DEPTOR: variants seen among roughly 807,000 people sequenced by gnomAD.
The protein encoded by DEPTOR is DEP domain-containing mTOR-interacting protein.
A neutral mutation model predicts 41.6 loss-of-function variants in DEPTOR; 41 were observed. That is an observed-to-expected ratio of 0.98 (90% confidence interval 0.77 to 1.28). The LOEUF (loss-of-function observed/expected upper bound fraction) is 1.28, where lower values mean the gene tolerates loss of function less well. Ranked by LOEUF, DEPTOR falls within the 50% of genes most tolerant of loss-of-function variation. DEPTOR has a pLI of 0.00. For missense variants in DEPTOR, 514 were observed against 527.9 expected, an observed-to-expected ratio of 0.97 and a Z score of 0.26; for synonymous variants, 195 against 192.3, an observed-to-expected ratio of 1.01 and a Z score of -0.12.
At position 119,928,693 on chromosome 8, in the gene DEPTOR, T is replaced by G; in HGVS notation, c.301+115T>G. 3 of 1,057,428 alleles carry G rather than the reference T, an allele frequency of 2.8e-6. No homozygotes were observed. The South Asian group carries it at 7.1e-5, about 25-fold the overall frequency. 65.5% of individuals were successfully genotyped at this position (1,057,428 alleles called of 1,614,324 possible). The stretch of plus-strand genomic sequence containing the variant: ...TGCTTTATTTTATCTCCAGTGTACC[T>G]CTCCCTGATTGCATTTTCTTCCTGC... On this transcript the variant is annotated intron_variant, in intron 2 of 8. Transcript: ENST00000286234.
Position 119,928,411 on chromosome 8 carries a change from A to C in DEPTOR, c.134A>C (p.His45Pro). The change falls in exon 2 of 9, where the codon CAC becomes CCC. Residue 45 changes from histidine (H) to proline (P), a missense_variant. Physicochemically the swap from His to Pro is moderately conservative, Grantham distance 77. Transcript: ENST00000286234. ...VTGEQLRLRL[H>P]EEKVIKDRRH... ...AATTTTTCTTTCAGGCTCAGGCTGCACGAAGAAAAGGTTATTAAAGATAGA... is the reference window on the plus strand; with the variant it reads ...AATTTTTCTTTCAGGCTCAGGCTGCCCGAAGAAAAGGTTATTAAAGATAGA... 2 of 1,612,110 alleles carry C rather than the reference A, an allele frequency of 1.2e-6. No individual in the cohort carries two copies. Among genetic ancestry groups the C allele is most frequent in the African/African-American group, 1.3e-5 (1 of 74,962 alleles).
At chr8:119,952,733 G>A (rs748621852) in intron 3 of DEPTOR, among the ~76,000 whole-genome samples, 1 of 152,264 alleles carries the variant, frequency 6.6e-6, no homozygotes, top group Middle Eastern at 3.4e-3. Flanking sequence ...CTTCATCCAT[G>A]TCCCTGCAAA....
rs187210676 is a variant in DEPTOR at position 120,035,226 on chromosome 8, G to T, written c.1102-14350G>T. ...TCCCAGCTACTCAGGAGGCTGAGGTGGGAGGATCGCTTGAACTTGGGAGGC... is the reference window on the plus strand; with the variant it reads ...TCCCAGCTACTCAGGAGGCTGAGGTTGGAGGATCGCTTGAACTTGGGAGGC... On this transcript the variant is annotated intron_variant, in intron 8 of 8. Coordinates refer to ENST00000286234, the MANE Select transcript of DEPTOR (RefSeq NM_022783.4). Among the ~76,000 whole-genome samples, 1,188 of 152,106 alleles carry T rather than the reference G, an allele frequency of 7.8e-3. 8 individuals are homozygous for T. The highest frequency in any genetic ancestry group is 0.011 in the Non-Finnish European group (715 of 67,958).
In DEPTOR at chr8:119,965,273, A is replaced by G. The variant is rs771723122; in HGVS notation, c.467A>G (p.Glu156Gly). Residue 156 changes from glutamate (E) to glycine (G), a missense_variant, in exon 4 of 9, where the codon GAG becomes GGG. By Grantham distance (98) the Glu-to-Gly change is moderately conservative. Coordinates refer to ENST00000286234, the MANE Select transcript of DEPTOR (RefSeq NM_022783.4). ...PENTLLQPREEEGVKYERTFM... is the reference protein window; with the variant it reads ...PENTLLQPREGEGVKYERTFM... ...AACACACTCCTGCAGCCCAGGGAGG[A>G]GGAAGGGGTCAAGTATGAGCGCACC... 1 of 1,613,754 alleles carries G rather than the reference A, an allele frequency of 6.2e-7. No homozygotes were observed. Among genetic ancestry groups the G allele is most frequent in the Admixed American group, 1.7e-5 (1 of 59,936 alleles).
chr8:119,952,587 C>T (rs117714178), intron 3 of DEPTOR, among the ~76,000 whole-genome samples: 3,826 of 152,330 alleles, frequency 0.025, 53 homozygotes, highest in Non-Finnish European at 0.034. Flanking sequence ...CCTCCCACTG[C>T]TACTGGCCCC....
intron 7 of DEPTOR, among the ~76,000 whole-genome samples, chr8:120,008,667 T>A (rs2130102531): frequency 6.6e-6 from 1 of 152,146 alleles, no homozygotes; most frequent in Non-Finnish European, 1.5e-5. Context: ...AGAGCAGAAA[T>A]TGTATCTGGA....
At chr8:119,982,014 T>TAAAAA (rs35334859) in intron 4 of DEPTOR, among the ~76,000 whole-genome samples, 4 of 65,682 alleles carry the variant, frequency 6.1e-5, no homozygotes, top group Non-Finnish European at 7.9e-5. Flanking sequence ...ATTCCATCTC[T>TAAAAA]AAAAAAAAAA....
chr8:120,018,375 C>T lies in DEPTOR; in HGVS notation c.1101+9242C>T, dbSNP rs189443946. 3.5e-3 allele frequency among the ~76,000 whole-genome samples: 531 copies of T among 152,164 alleles called. 5 individuals are homozygous for T. Among genetic ancestry groups the T allele is most frequent in the African/African-American group, 0.012 (504 of 41,518 alleles). On this transcript the variant is annotated intron_variant, in intron 8 of 8. Coordinates refer to ENST00000286234, the MANE Select transcript of DEPTOR (RefSeq NM_022783.4). ...GGCGGATCACCTGAGATCAGGAGTTCGAGACCAGCCTGGCCAACATGGCGA... is the reference window on the plus strand; with the variant it reads ...GGCGGATCACCTGAGATCAGGAGTTTGAGACCAGCCTGGCCAACATGGCGA...
chr8:119,939,099 G>T (rs1200832514), intron 3 of DEPTOR, among the ~76,000 whole-genome samples: 1 of 152,078 alleles, frequency 6.6e-6, no homozygotes, highest in Non-Finnish European at 1.5e-5. Flanking sequence ...AGCAAACTCA[G>T]TGTTTTATAA....
intron 1 of DEPTOR, among the ~76,000 whole-genome samples, chr8:119,895,749 G>GTA (rs1827512452): frequency 1.3e-5 from 2 of 152,094 alleles, no homozygotes; most frequent in Admixed American, 6.6e-5. Flanking sequence ...TGGCATGTCT[G>GTA]CACACTTTCC....
intron 4 of DEPTOR, among the ~76,000 whole-genome samples, chr8:119,985,826 C>CTTT (rs999602227): frequency 2.4e-5 from 1 of 41,604 alleles, no homozygotes. Context: ...AACCCCTGCT[C>CTTT]TTTTTTTTTT....
At chr8:120,022,217 G>T (rs992972203) in intron 8 of DEPTOR, among the ~76,000 whole-genome samples, 1 of 145,044 alleles carries the variant, frequency 6.9e-6, no homozygotes, top group Non-Finnish European at 1.5e-5. Flanking sequence ...TTTCAGAGTT[G>T]CTAAAATGTG....
intron 1 of DEPTOR, among the ~76,000 whole-genome samples, chr8:119,909,248 G>A (rs4128183): frequency 0.22 from 33,408 of 152,120 alleles, 4,240 homozygotes; most frequent in African/African-American, 0.34. Context: ...TTAATAGAGT[G>A]TGACTTTTTA....
intron 8 of DEPTOR, among the ~76,000 whole-genome samples, chr8:120,040,285 A>G (rs1199776957): frequency 1.3e-5 from 2 of 152,122 alleles, no homozygotes; most frequent in African/African-American, 4.8e-5. Flanking sequence ...GTAGAAAAAA[A>G]TCCTAGCAGG....
intron 1 of DEPTOR, among the ~76,000 whole-genome samples, chr8:119,904,965 CTTTTTTT>C (rs71304920): frequency 0.024 from 2,042 of 86,022 alleles, 20 homozygotes; most frequent in Middle Eastern, 0.054. Context: ...CTAATTTTTG[CTTTTTTT>C]TTTTTTTTTT....
intron 3 of DEPTOR, among the ~76,000 whole-genome samples, chr8:119,935,891 G>A (rs369906600): frequency 2.6e-5 from 4 of 151,584 alleles, no homozygotes; most frequent in Non-Finnish European, 5.9e-5. Context: ...AACTAACTTC[G>A]ATTTTATCTT....
intron 2 of DEPTOR, among the ~76,000 whole-genome samples, chr8:119,929,476 A>G (rs6993270): frequency 0.22 from 33,060 of 151,846 alleles, 4,164 homozygotes; most frequent in African/African-American, 0.34. Context: ...TAGATTTCAC[A>G]TTCTTTGAGG....
At chr8:119,989,827 A>G (rs1340367692) in intron 4 of DEPTOR, among the ~76,000 whole-genome samples, 1 of 152,248 alleles carries the variant, frequency 6.6e-6, no homozygotes, top group African/African-American at 2.4e-5. Flanking sequence ...GGTCTTGAAC[A>G]GTATCTTATA....
intron 8 of DEPTOR, among the ~76,000 whole-genome samples, chr8:120,011,573 G>A (rs1025660135): frequency 6.6e-6 from 1 of 152,144 alleles, no homozygotes; most frequent in Non-Finnish European, 1.5e-5. Context: ...TTCTGAGTGT[G>A]CACTCACTCG....
Sources: allele counts gnomAD v4.1 joint callset (sites outside exome capture counted in the v4.1 genomes callset), GRCh38; gene constraint gnomAD v4.1.1; transcripts MANE v1.5; gene names NCBI Gene and HGNC (gene_info 2026-07-23, HGNC 2026-07-21).